Variants in PTPRG observed in about 807,000 individuals in gnomAD.
The protein encoded by PTPRG is receptor-type tyrosine-protein phosphatase gamma.
A neutral mutation model predicts 165.3 loss-of-function variants in PTPRG; 102 were observed. The ratio of observed to expected loss-of-function variants is 0.62; its 90% CI spans 0.53 to 0.73. The LOEUF is 0.73. Among genes scored for constraint, PTPRG ranks in the 30% least tolerant of loss-of-function variants. PTPRG has a pLI of 0.00. For synonymous variants in PTPRG, 675 were observed against 669.5 expected, an observed-to-expected ratio of 1.01 and a Z score of -0.13; for missense variants, 1,866 against 1,861.4, an observed-to-expected ratio of 1.00 and a Z score of -0.05.
intron 5 of PTPRG, among the ~76,000 whole-genome samples, chr3:62,110,088 G>A (rs954894353): frequency 1.1e-4 from 9 of 79,276 alleles, no homozygotes; most frequent in African/African-American, 4.1e-4. Flanking sequence ...AGAAATAATG[G>A]CTTTTTTTTT....
intron 1 of PTPRG, among the ~76,000 whole-genome samples, chr3:61,729,665 C>T (rs2032410453): frequency 6.6e-6 from 1 of 152,124 alleles, no homozygotes; most frequent in African/African-American, 2.4e-5. Context: ...TTAACATACT[C>T]ATTTTTTAAC....
intron 2 of PTPRG, among the ~76,000 whole-genome samples, chr3:61,872,335 C>T (rs979323267): frequency 1.3e-5 from 2 of 152,112 alleles, no homozygotes; most frequent in African/African-American, 2.4e-5. Flanking sequence ...TCACTCCAGT[C>T]TGGGCAACAT....
At chr3:61,679,558 G>A (rs1703356372) in intron 1 of PTPRG, among the ~76,000 whole-genome samples, 1 of 152,114 alleles carries the variant, frequency 6.6e-6, no homozygotes, top group African/African-American at 2.4e-5. Flanking sequence ...GTCAAAGCTG[G>A]TGGATCACTT....
intron 5 of PTPRG, among the ~76,000 whole-genome samples, chr3:62,127,805 C>G (rs1335841628): frequency 6.6e-6 from 1 of 152,168 alleles, no homozygotes; most frequent in Non-Finnish European, 1.5e-5. Context: ...CACATGTCGT[C>G]TGATGGGGTC....
At chr3:61,691,037 T>A (rs986430523) in intron 1 of PTPRG, among the ~76,000 whole-genome samples, 1 of 152,136 alleles carries the variant, frequency 6.6e-6, no homozygotes, top group Admixed American at 6.5e-5. Flanking sequence ...ACGCCATCAA[T>A]GTGGAATATT....
intron 2 of PTPRG, among the ~76,000 whole-genome samples, chr3:61,768,873 A>T (rs1039758211): frequency 6.6e-6 from 1 of 152,120 alleles, no homozygotes; most frequent in Non-Finnish European, 1.5e-5. Context: ...CCACAGCTTT[A>T]TGAGGGCTGT....
intron 1 of PTPRG, among the ~76,000 whole-genome samples, chr3:61,637,608 G>A (rs747835382): frequency 6.6e-6 from 1 of 152,178 alleles, no homozygotes; most frequent in East Asian, 1.9e-4. Flanking sequence ...AGACGGAAGC[G>A]AAGTTGTTTG....
At chr3:62,189,748 G>A (rs1405279447) in intron 8 of PTPRG, among the ~76,000 whole-genome samples, 1 of 152,140 alleles carries the variant, frequency 6.6e-6, no homozygotes, top group African/African-American at 2.4e-5. Flanking sequence ...AAGTTCAGGG[G>A]ATCTTTGTAA....
intron 5 of PTPRG, among the ~76,000 whole-genome samples, chr3:62,126,763 A>G (rs904329468): frequency 2.6e-5 from 4 of 152,240 alleles, no homozygotes; most frequent in African/African-American, 9.6e-5. Context: ...GATTTCATGA[A>G]AAGTCCTACA....
rs1701937044 is a variant in PTPRG, at chr3:62,267,930, GAA to G, written c.2874+114_2874+115del. On this transcript the variant is annotated intron_variant, in intron 19 of 29. Coordinates refer to ENST00000474889, the MANE Select transcript of PTPRG (RefSeq NM_002841.4). ...ACAAGGTATAAAGAGTTACGGAAAT[GAA>G]AAGTGTTCTCTCTGCTTTATCTTGC... 7 of 1,258,766 alleles carry G rather than the reference GAA, an allele frequency of 5.6e-6. No homozygotes were observed. The Admixed American group carries it at 1.1e-4, about 21-fold the overall frequency. 78.0% of individuals were successfully genotyped at this position (1,258,766 alleles called of 1,614,324 possible). A position where few individuals can be genotyped will look rare whatever the true frequency, so the allele number is the denominator to read the frequency against.
chr3:62,079,217 G>A (rs1041270861), intron 5 of PTPRG, among the ~76,000 whole-genome samples: 1 of 152,214 alleles, frequency 6.6e-6, no homozygotes. Context: ...TGACACATGA[G>A]TGACAGTTTT....
intron 6 of PTPRG, among the ~76,000 whole-genome samples, chr3:62,148,821 T>C (rs1438068777): frequency 6.6e-5 from 10 of 152,046 alleles, no homozygotes; most frequent in Admixed American, 6.6e-4. Flanking sequence ...TTCAGTGAGA[T>C]TTCCTCACCT....
At chr3:62,095,659 G>A (rs1332410412) in intron 5 of PTPRG, among the ~76,000 whole-genome samples, 1 of 152,174 alleles carries the variant, frequency 6.6e-6, no homozygotes, top group African/African-American at 2.4e-5. Flanking sequence ...TCATGTAAAT[G>A]TGCCAATGGA....
intron 6 of PTPRG, among the ~76,000 whole-genome samples, chr3:62,136,921 A>G (rs909305444): frequency 6.6e-6 from 1 of 152,046 alleles, no homozygotes; most frequent in Non-Finnish European, 1.5e-5. Flanking sequence ...TTGCTTCTCT[A>G]TTGCTTTTCT....
intron 2 of PTPRG, among the ~76,000 whole-genome samples, chr3:61,866,385 C>G (rs1306572230): frequency 6.6e-6 from 1 of 152,032 alleles, no homozygotes; most frequent in Non-Finnish European, 1.5e-5. Context: ...TGGTGCTAAT[C>G]AGGAACTGGA....
intron 2 of PTPRG, among the ~76,000 whole-genome samples, chr3:61,798,991 CCTT>C (rs1199918620): frequency 6.6e-6 from 1 of 151,754 alleles, no homozygotes; most frequent in Non-Finnish European, 1.5e-5. Flanking sequence ...GTCTTTTTCA[CCTT>C]CTCTCCACCT....
At chr3:61,683,424 T>A (rs1449386050) in intron 1 of PTPRG, among the ~76,000 whole-genome samples, 3 of 141,610 alleles carry the variant, frequency 2.1e-5, no homozygotes, top group African/African-American at 7.3e-5. Context: ...CGATTCTAAG[T>A]CAAGGATGTG....
intron 1 of PTPRG, among the ~76,000 whole-genome samples, chr3:61,569,383 A>G (rs1220373914): frequency 6.6e-6 from 1 of 152,212 alleles, no homozygotes; most frequent in East Asian, 1.9e-4. Context: ...CCTAACTCCT[A>G]AAGTCTTTGT....
chr3:61,961,409 C>T (rs750088517), intron 2 of PTPRG, among the ~76,000 whole-genome samples: 13 of 152,128 alleles, frequency 8.5e-5, no homozygotes, highest in African/African-American at 1.4e-4. Flanking sequence ...TCTTAAAATT[C>T]GGACTTAATT....
Sources: gnomAD v4.1 joint callset for allele counts (sites outside exome capture counted in the v4.1 genomes callset) on GRCh38, gnomAD v4.1.1 for gene constraint, MANE v1.5 for transcripts, NCBI Gene and HGNC (gene_info 2026-07-23, HGNC 2026-07-21) for gene names.